TOM1L1: variants seen among roughly 807,000 people sequenced by gnomAD.
TOM1L1 encodes target of myb1 like 1 membrane trafficking protein.
In TOM1L1, 64 loss-of-function variants were observed where a neutral mutation model predicts 63.4. The ratio of observed to expected loss-of-function variants is 1.01; its 90% confidence interval spans 0.83 to 1.24. The LOEUF (loss-of-function observed/expected upper bound fraction) is 1.24. Ranked by LOEUF, TOM1L1 falls within the 50% of genes most tolerant of loss-of-function variation. The pLI, the probability that TOM1L1 is intolerant of heterozygous loss-of-function variation, is 0.00. For synonymous variants in TOM1L1, 166 were observed against 194.4 expected, an observed-to-expected ratio of 0.85 and a Z score of 1.22; for missense variants, 536 against 567.0, an observed-to-expected ratio of 0.95 and a Z score of 0.55.
At position 54,937,164 on chromosome 17, in the gene TOM1L1, C is replaced by T. The variant is rs774152325; in HGVS notation, c.971C>T (p.Pro324Leu). 2 of 1,613,874 alleles carry T rather than the reference C, an allele frequency of 1.2e-6. No homozygotes were observed. Among genetic ancestry groups the T allele is most frequent in the South Asian group, 1.1e-5 (1 of 91,062 alleles). ...SQDLLDLSPS[P>L]RMPRATLGEL... ...GATCTCCTCGACCTAAGTCCCAGTC[C>T]CCGGATGCCTAGGGCCACTCTGGGA... Residue 324 changes from proline to leucine, a missense_variant, in exon 10 of 16, where the codon CCC becomes CTC. Physicochemically the swap from Pro to Leu is moderately conservative, Grantham distance 98. Coordinates refer to ENST00000575882, the MANE Select transcript of TOM1L1 (RefSeq NM_005486.3).
In TOM1L1 at chr17:54,908,822, T is replaced by C. The variant is rs146034511; in HGVS notation, c.222+3255T>C. On this transcript the variant is annotated intron_variant, in intron 3 of 15. Transcript: ENST00000575882. ...AATGGAAAGTGGTCGAACAGGTTCC[T>C]GAGAATCAATTAGTTAATAGGCCTT... Among the ~76,000 whole-genome samples, 11 of 152,362 alleles carry C rather than the reference T, an allele frequency of 7.2e-5. No homozygotes were observed. The East Asian group carries it at 2.1e-3, about 29-fold the overall frequency.
At chr17:54,952,256 A>T (rs1033174854) in intron 14 of TOM1L1, 1 of 152,148 alleles carries the variant, frequency 6.6e-6, no homozygotes, top group African/African-American at 2.4e-5. Flanking sequence ...AAACAGAATT[A>T]GAAGTATGGC....
At chr17:54,946,843 C>G (rs2049127270) in intron 11 of TOM1L1, among the ~76,000 whole-genome samples, 1 of 152,214 alleles carries the variant, frequency 6.6e-6, no homozygotes, top group Admixed American at 6.5e-5. Context: ...TCCTCAAATA[C>G]TTGCTCTATG....
chr17:54,941,762 A>G (rs1361770243), intron 11 of TOM1L1, among the ~76,000 whole-genome samples: 2 of 152,228 alleles, frequency 1.3e-5, no homozygotes, highest in African/African-American at 4.8e-5. Context: ...CAAAAAGTCA[A>G]ATTGCTGGTC....
At chr17:54,937,417 G>T (rs2048967445) in intron 10 of TOM1L1, 191 bp downstream of exon 10, 1 of 562,854 alleles carries the variant, frequency 1.8e-6, no homozygotes, top group African/African-American at 1.9e-5. Context: ...GGATGTGTCT[G>T]GGCGAGGAGG....
chr17:54,924,160 A>G (rs1465851949), intron 7 of TOM1L1, among the ~76,000 whole-genome samples: 9 of 149,688 alleles, frequency 6.0e-5, no homozygotes, highest in African/African-American at 2.2e-4. Context: ...GTGCTTGCTA[A>G]CCTCCTTCCT....
At chr17:54,937,406 G>GGGAT in intron 10 of TOM1L1, 180 bp downstream of exon 10, 1 of 587,994 alleles carries the variant, frequency 1.7e-6, no homozygotes. Flanking sequence ...GTATAGCAAT[G>GGGAT]GGATGTGTCT....
intron 1 of TOM1L1, 85 bp downstream of exon 1, chr17:54,901,008 A>T: frequency 6.3e-7 from 1 of 1,582,110 alleles, no homozygotes; most frequent in South Asian, 1.1e-5. Context: ...CCTGCAGAGG[A>T]CGGAGTTAGT....
chr17:54,915,169 C>T lies in TOM1L1; in HGVS notation c.603+426C>T, dbSNP rs748066179. On this transcript the variant is annotated intron_variant, in intron 6 of 15. Transcript: ENST00000575882. ...GTGTATATCAGTTTATCCAAGGTAC[C>T]GATAAACAATTATTATATGAGGCTA... 9.2e-5 allele frequency among the ~76,000 whole-genome samples: 14 copies of T among 152,140 alleles called. 1 individual carries two copies. In the South Asian group the frequency reaches 1.7e-3, roughly 18 times the overall value.
In TOM1L1 at chr17:54,930,567, C is replaced by T. The variant is rs567045109; in HGVS notation, c.854+361C>T. On this transcript the variant is annotated intron_variant, in intron 8 of 15. Coordinates refer to ENST00000575882, the MANE Select transcript of TOM1L1 (RefSeq NM_005486.3). ...AAAAAATAAAAAATAAGGCCGGACA[C>T]GGTGGCTCACACCTGTATCCCCAGC... 1.0e-3 allele frequency among the ~76,000 whole-genome samples: 157 copies of T among 152,186 alleles called. 2 individuals are homozygous for T. Among genetic ancestry groups the T allele is most frequent in the African/African-American group, 3.6e-3 (150 of 41,504 alleles).
chr17:54,945,037 C>T (rs969242714), intron 11 of TOM1L1, among the ~76,000 whole-genome samples: 14 of 152,112 alleles, frequency 9.2e-5, no homozygotes, highest in African/African-American at 2.7e-4. Flanking sequence ...CACACTCCCT[C>T]CACAACTATT....
chr17:54,932,223 C>T (rs1220006603), intron 8 of TOM1L1, among the ~76,000 whole-genome samples: 1 of 152,094 alleles, frequency 6.6e-6, no homozygotes, highest in Non-Finnish European at 1.5e-5. Context: ...GGGCTCACAA[C>T]TCTAAGGGGG....
intron 7 of TOM1L1, among the ~76,000 whole-genome samples, chr17:54,926,219 A>C (rs548788808): frequency 6.6e-6 from 1 of 152,194 alleles, no homozygotes. Context: ...TGAACTTTTC[A>C]TTAGGGATGA....
Position 54,903,612 on chromosome 17 carries a change from A to G in TOM1L1, c.59-96A>G, listed in dbSNP as rs145855968. ...TTTGCCCTTTGGCAATGTAAACTTA[A>G]TGACACTTGCTGGTGCAGCCTAGGC... On this transcript the variant is annotated intron_variant, in intron 1 of 15. Transcript: ENST00000575882. 5.9e-4 allele frequency: 649 copies of G among 1,105,222 alleles called. 4 individuals are homozygous for G. Among genetic ancestry groups the G allele is most frequent in the Middle Eastern group, 5.0e-3 (23 of 4,568 alleles). 68.5% of individuals were successfully genotyped at this position (1,105,222 alleles called of 1,614,324 possible). A position where few individuals can be genotyped will look rare whatever the true frequency, so the allele number is the denominator to read the frequency against.
chr17:54,914,561 T>C, intron 5 of TOM1L1, 78 bp from the exon 6 acceptor site: 1 of 1,143,538 alleles, frequency 8.7e-7, no homozygotes. Flanking sequence ...AGTGCTTGAG[T>C]TAGCTGAATG....
intron 7 of TOM1L1, among the ~76,000 whole-genome samples, chr17:54,919,577 A>AGCTCTG (rs1490159644): frequency 1.3e-5 from 2 of 152,068 alleles, no homozygotes; most frequent in African/African-American, 4.8e-5. Context: ...TTAATGCCAG[A>AGCTCTG]GCTCAGGGCT....
At chr17:54,948,324 AACCC>A (rs2049153904) in intron 12 of TOM1L1, among the ~76,000 whole-genome samples, 1 of 152,110 alleles carries the variant, frequency 6.6e-6, no homozygotes, top group African/African-American at 2.4e-5. Flanking sequence ...ATTTGCTCAA[AACCC>A]ACCTGTGATT....
chr17:54,932,203 T>C (rs909226545), intron 8 of TOM1L1, among the ~76,000 whole-genome samples: 6 of 152,120 alleles, frequency 3.9e-5, no homozygotes, highest in African/African-American at 1.4e-4. Flanking sequence ...GCAATTCCTG[T>C]CCGTTTTAAG....
At chr17:54,917,476 A>G (rs1406683151) in intron 7 of TOM1L1, 2 of 152,186 alleles carry the variant, frequency 1.3e-5, no homozygotes, top group African/African-American at 4.8e-5. Context: ...CATATTTACT[A>G]TATACAAATA....
Sources: gnomAD v4.1 joint callset for allele counts (sites outside exome capture counted in the v4.1 genomes callset) on GRCh38, gnomAD v4.1.1 for gene constraint, MANE v1.5 for transcripts, NCBI Gene and HGNC (gene_info 2026-07-23, HGNC 2026-07-21) for gene names.